The following PARD3B variants were observed in gnomAD, a reference collection of about 807,000 sequenced individuals.
The protein encoded by PARD3B is partitioning defective 3 homolog B.
In PARD3B, 103 loss-of-function variants were observed where a neutral mutation model predicts 130.2. That is an observed-to-expected ratio of 0.79 (90% CI 0.67 to 0.93). The LOEUF is 0.93. Among genes scored for constraint, PARD3B ranks in the 40% least tolerant of loss-of-function variants. The pLI is 0.00. For synonymous variants in PARD3B, 583 were observed against 553.2 expected, an observed-to-expected ratio of 1.05 and a Z score of -0.76; for missense variants, 1,609 against 1,499.2, an observed-to-expected ratio of 1.07 and a Z score of -1.21.
At chr2:205,598,287 G>A (rs2054644008) in intron 22 of PARD3B, among the ~76,000 whole-genome samples, 1 of 151,660 alleles carries the variant, frequency 6.6e-6, no homozygotes, top group Non-Finnish European at 1.5e-5. Flanking sequence ...CTTGCAAATG[G>A]AAAACAGAAA....
chr2:205,083,974 A>G (rs899550830), intron 4 of PARD3B, among the ~76,000 whole-genome samples: 2 of 152,152 alleles, frequency 1.3e-5, no homozygotes, highest in Admixed American at 1.3e-4. Flanking sequence ...ACTTCAGTGT[A>G]CATCCCTAAC....
chr2:205,017,045 T>C (rs1395683022), intron 3 of PARD3B, among the ~76,000 whole-genome samples: 5 of 151,962 alleles, frequency 3.3e-5, no homozygotes, highest in Non-Finnish European at 7.4e-5. Context: ...TCTTTGAAAA[T>C]AGTAGGAAAT....
intron 1 of PARD3B, among the ~76,000 whole-genome samples, chr2:204,556,265 A>T (rs1292702905): frequency 6.6e-6 from 1 of 152,182 alleles, no homozygotes; most frequent in African/African-American, 2.4e-5. Context: ...ACATGGGGGA[A>T]GTCTCTGTGT....
chr2:205,526,975 A>G (rs2051366364), intron 21 of PARD3B, among the ~76,000 whole-genome samples: 1 of 152,202 alleles, frequency 6.6e-6, no homozygotes, highest in African/African-American at 2.4e-5. Flanking sequence ...TGGGGACACA[A>G]GTGGTCACTG....
intron 21 of PARD3B, among the ~76,000 whole-genome samples, chr2:205,516,560 T>C (rs1231016109): frequency 1.3e-5 from 2 of 152,214 alleles, no homozygotes; most frequent in East Asian, 3.8e-4. Context: ...CTTTCTGATT[T>C]GGCTCTCATC....
In PARD3B at chr2:205,094,330, G is replaced by A. The variant is rs535382619; in HGVS notation, c.505-10096G>A. ...CAACAGATGCACATGGCAAAGTCAG[G>A]AAGGTTTGAGTCTGGGTGAGAAGAG... On this transcript the variant is annotated intron_variant, in intron 4 of 22. Coordinates refer to ENST00000406610, the MANE Select transcript of PARD3B (RefSeq NM_001302769.2). Among the ~76,000 whole-genome samples the A allele has an allele frequency of 1.6e-3, 242 of 152,246 alleles. 1 individual carries two copies. The highest frequency in any genetic ancestry group is 5.7e-3 in the African/African-American group (237 of 41,558).
At chr2:205,064,646 C>G (rs990056060) in intron 4 of PARD3B, among the ~76,000 whole-genome samples, 57 of 152,228 alleles carry the variant, frequency 3.7e-4, no homozygotes, top group African/African-American at 1.0e-3. Flanking sequence ...AGTGTATACC[C>G]AGAGTCAAGG....
At chr2:205,144,802 T>G (rs1169362361) in intron 10 of PARD3B, among the ~76,000 whole-genome samples, 1 of 152,116 alleles carries the variant, frequency 6.6e-6, no homozygotes, top group East Asian at 1.9e-4. Flanking sequence ...TAAAGGGGAT[T>G]GGTATCCAGC....
At chr2:205,048,872 A>G (rs1403088912) in intron 4 of PARD3B, among the ~76,000 whole-genome samples, 1 of 152,192 alleles carries the variant, frequency 6.6e-6, no homozygotes, top group Non-Finnish European at 1.5e-5. Flanking sequence ...CTTCTAAGGA[A>G]ATATATTTGA....
intron 11 of PARD3B, among the ~76,000 whole-genome samples, chr2:205,168,118 T>C (rs2034920445): frequency 1.3e-5 from 2 of 152,224 alleles, no homozygotes; most frequent in Admixed American, 1.3e-4. Flanking sequence ...TACTCTGTCC[T>C]CCTGATTCTT....
intron 4 of PARD3B, among the ~76,000 whole-genome samples, chr2:205,050,402 G>T (rs1037123020): frequency 6.6e-6 from 1 of 151,616 alleles, no homozygotes; most frequent in African/African-American, 2.4e-5. Flanking sequence ...AGGTGTGTGT[G>T]TGTATATATG....
At position 205,426,255 on chromosome 2, in the gene PARD3B, A is replaced by ATAC. The variant is rs200957094; in HGVS notation, c.2742-14103_2742-14101dup. ...TTGGCTGTTCAGTATAATAATTTTAATACTACTACTACTAATAATAATAAT... is the reference window on the plus strand; with the variant it reads ...TTGGCTGTTCAGTATAATAATTTTAATACTACTACTACTACTAATAATAATAAT... On this transcript the variant is annotated intron_variant, in intron 19 of 22. Coordinates refer to ENST00000406610, the MANE Select transcript of PARD3B (RefSeq NM_001302769.2). Among the ~76,000 whole-genome samples, 854 of 152,188 alleles carry ATAC rather than the reference A, an allele frequency of 5.6e-3. 8 individuals are homozygous for ATAC. Among genetic ancestry groups the ATAC allele is most frequent in the African/African-American group, 0.019 (800 of 41,470 alleles).
At chr2:204,761,745 TAA>T (rs2040907133) in intron 2 of PARD3B, among the ~76,000 whole-genome samples, 1 of 152,184 alleles carries the variant, frequency 6.6e-6, no homozygotes, top group Non-Finnish European at 1.5e-5. Flanking sequence ...GATTTTATGT[TAA>T]GAGAAGAAAT....
Position 205,024,467 on chromosome 2 carries a change from A to T in PARD3B, c.395-23114A>T, listed in dbSNP as rs935246837. 3.9e-5 allele frequency among the ~76,000 whole-genome samples: 6 copies of T among 152,048 alleles called. No homozygotes were observed. The East Asian group carries it at 1.2e-3, about 29-fold the overall frequency. On this transcript the variant is annotated intron_variant, in intron 3 of 22. Coordinates refer to ENST00000406610, the MANE Select transcript of PARD3B (RefSeq NM_001302769.2). ...TACAGGCCTCACTGTTATTTTCTGC[A>T]AGAGTTTATTCTTCCTCCAGATTGT...
At chr2:205,067,094 GCTTTTTTTT>G (rs1362511919) in intron 4 of PARD3B, among the ~76,000 whole-genome samples, 1 of 24,856 alleles carries the variant, frequency 4.0e-5, no homozygotes, top group Non-Finnish European at 7.8e-5. Context: ...CTTTTACTAG[GCTTTTTTTT>G]TTTTTTTTTT....
intron 19 of PARD3B, among the ~76,000 whole-genome samples, chr2:205,409,889 T>C (rs939514232): frequency 4.6e-5 from 7 of 152,300 alleles, no homozygotes; most frequent in African/African-American, 1.4e-4. Flanking sequence ...TCTGACCTGA[T>C]AAAAATGTGG....
intron 1 of PARD3B, among the ~76,000 whole-genome samples, chr2:204,665,617 C>G (rs1033962698): frequency 1.4e-4 from 21 of 152,142 alleles, no homozygotes; most frequent in African/African-American, 4.6e-4. Context: ...TTTGTGACCT[C>G]AGGGAGTGTG....
intron 10 of PARD3B, among the ~76,000 whole-genome samples, chr2:205,140,231 T>C (rs1252466315): frequency 6.6e-6 from 1 of 152,176 alleles, no homozygotes; most frequent in East Asian, 1.9e-4. Context: ...TAATTTTGTT[T>C]TTCACTTCTC....
chr2:204,883,455 A>ATATAAAATATATATATATATATATTTT lies in PARD3B; in HGVS notation c.223-81696_223-81695insATAAAATATATATATATATATATTTTT, dbSNP rs1377428928. Among the ~76,000 whole-genome samples the ATATAAAATATATATATATATATATTTT allele has an allele frequency of 7.2e-3, 558 of 77,178 alleles. 1 individual carries two copies. Among genetic ancestry groups the ATATAAAATATATATATATATATATTTT allele is most frequent in the Non-Finnish European group, 0.011 (467 of 42,930 alleles). The allele number at this position is 77,178 out of a possible 152,430, so 50.6% of individuals were successfully genotyped here. ...ATAAAATATATATATATATATATATATTTTTTTTTTTGAGACAGAGTCTCA... is the reference window on the plus strand; with the variant it reads ...ATAAAATATATATATATATATATATATATAAAATATATATATATATATATTTTTTTTTTTTTTTGAGACAGAGTCTCA... On this transcript the variant is annotated intron_variant, in intron 2 of 22. Transcript: ENST00000406610.
Sources: gnomAD v4.1 joint callset for allele counts (sites outside exome capture counted in the v4.1 genomes callset) on GRCh38, gnomAD v4.1.1 for gene constraint, MANE v1.5 for transcripts, NCBI Gene and HGNC (gene_info 2026-07-23, HGNC 2026-07-21) for gene names.